ASNS: variants seen among roughly 807,000 people sequenced by gnomAD.
The protein encoded by ASNS is asparagine synthetase (glutamine-hydrolyzing).
Under a neutral mutation model 62.6 loss-of-function variants are expected in ASNS, and 37 were observed. That is an observed-to-expected ratio of 0.59 (90% confidence interval 0.45 to 0.78). The LOEUF is 0.78. Among genes scored for constraint, ASNS ranks in the 30% least tolerant of loss-of-function variants. The pLI is 0.00. For missense variants in ASNS, 520 were observed against 682.4 expected (o/e 0.76, Z 2.65); for synonymous variants, 207 against 237.9 (o/e 0.87, Z 1.19).
the ASNS span, chr7:97,906,386 T>C: frequency 6.7e-6 from 2 of 300,456 alleles, no homozygotes; most frequent in Admixed American, 4.8e-5. Flanking sequence ...CCTCCAGATA[T>C]GGCCTCAACT....
chr7:97,927,847 C>T, the ASNS span, among the ~76,000 whole-genome samples: 1 of 152,292 alleles, frequency 6.6e-6, no homozygotes, highest in African/African-American at 2.4e-5. Flanking sequence ...GAGGATGTCA[C>T]CATGAGCAAG....
At chr7:97,888,349 A>C in the ASNS span, among the ~76,000 whole-genome samples, 2 of 151,126 alleles carry the variant, frequency 1.3e-5, no homozygotes, top group Non-Finnish European at 3.0e-5. Flanking sequence ...TTTTTTAAGA[A>C]AAAGTTGGCC....
chr7:97,859,473 T>C (rs1791615356), intron 4 of ASNS, 75 bp from the exon 5 acceptor site: 2 of 1,433,238 alleles, frequency 1.4e-6, no homozygotes, highest in Non-Finnish European at 1.9e-6. Flanking sequence ...GTTAACATCA[T>C]CTACATTCCT....
chr7:97,875,096 G>A (rs1354151316), upstream of ASNS, among the ~76,000 whole-genome samples: 1 of 152,220 alleles, frequency 6.6e-6, no homozygotes, highest in African/African-American at 2.4e-5. Context: ...GATGATTTGG[G>A]TTCTGGTGCA....
At chr7:97,917,106 T>C in the ASNS span, among the ~76,000 whole-genome samples, 1 of 142,472 alleles carries the variant, frequency 7.0e-6, no homozygotes, top group Non-Finnish European at 1.5e-5. Context: ...GGAACTCTCA[T>C]ACATAGCAAG....
the ASNS span, among the ~76,000 whole-genome samples, chr7:97,886,683 G>C: frequency 1.6e-4 from 24 of 152,206 alleles, no homozygotes; most frequent in East Asian, 4.6e-3. Flanking sequence ...ACAAGACGTG[G>C]GGCTGCCAAA....
the ASNS span, among the ~76,000 whole-genome samples, chr7:97,924,221 G>C: frequency 1.3e-5 from 2 of 152,140 alleles, no homozygotes; most frequent in South Asian, 4.1e-4. Flanking sequence ...CTCTGTCGTA[G>C]CTAACAGGAA....
the ASNS span, among the ~76,000 whole-genome samples, chr7:97,889,927 C>CAAAAAAAAAAAAAAAAAAAAAAAAAA: frequency 2.1e-4 from 8 of 38,566 alleles, no homozygotes; most frequent in Admixed American, 4.5e-4. Flanking sequence ...ATAATGAATA[C>CAAAAAAAAAAAAAAAAAAAAAAAAAA]AAAAAAAAAA....
the ASNS span, among the ~76,000 whole-genome samples, chr7:97,886,430 A>G: frequency 6.6e-6 from 1 of 151,760 alleles, no homozygotes; most frequent in African/African-American, 2.4e-5. Context: ...TACAGGTGTG[A>G]GCCACTGCGC....
the ASNS span, among the ~76,000 whole-genome samples, chr7:97,921,997 T>C: frequency 1.3e-5 from 2 of 152,132 alleles, no homozygotes; most frequent in South Asian, 4.1e-4. Context: ...GCCTGGAGGA[T>C]ATTATGTTAA....
chr7:97,887,002 G>A, the ASNS span, among the ~76,000 whole-genome samples: 1 of 152,134 alleles, frequency 6.6e-6, no homozygotes, highest in Non-Finnish European at 1.5e-5. Context: ...CTAATAGCCG[G>A]CCATCTTTGT....
intron 7 of ASNS, among the ~76,000 whole-genome samples, chr7:97,857,018 G>A (rs1031428872): frequency 6.6e-6 from 1 of 152,112 alleles, no homozygotes; most frequent in African/African-American, 2.4e-5. Flanking sequence ...TCCACCACCA[G>A]GAAGTAAGTC....
At chr7:97,880,121 G>A in the ASNS span, among the ~76,000 whole-genome samples, 1 of 130,738 alleles carries the variant, frequency 7.6e-6, no homozygotes. Flanking sequence ...ATAAAGGAAG[G>A]ATCATCTCTG....
At position 97,856,677 on chromosome 7, in the gene ASNS, C is replaced by A. The variant is rs1028902068; in HGVS notation, c.1030+13G>T. The stretch of plus-strand genomic sequence containing the variant: ...AAAAAAGCTTTTTATTTAAGAATAT[C>A]ATAATACCTTACCTACTGAAGCACG... On this transcript the variant is annotated intron_variant, in intron 8 of 12. Coordinates refer to ENST00000394308, the MANE Select transcript of ASNS (RefSeq NM_001673.5). 6.4e-7 allele frequency: 1 copy of A among 1,574,542 alleles called. No homozygotes were observed. The highest frequency in any genetic ancestry group is 1.4e-5 in the African/African-American group (1 of 73,072).
chr7:97,919,071 A>G, the ASNS span, among the ~76,000 whole-genome samples: 2 of 149,930 alleles, frequency 1.3e-5, no homozygotes, highest in East Asian at 3.9e-4. Context: ...CTACATAAAT[A>G]TTTTTTTTTT....
Position 97,854,695 on chromosome 7 carries a change from A to G in ASNS, c.1138-15T>C. Reference sequence around the variant, plus strand: ...GGAGAAGGAGCCTATTTCACAAACAAAAACACCAAGAGTTTTGCTTTTGGC... The same window carrying G: ...GGAGAAGGAGCCTATTTCACAAACAGAAACACCAAGAGTTTTGCTTTTGGC... On this transcript the variant is annotated splice_polypyrimidine_tract_variant and intron_variant, in intron 9 of 12. Coordinates refer to ENST00000394308, the MANE Select transcript of ASNS (RefSeq NM_001673.5). 6.2e-7 allele frequency: 1 copy of G among 1,613,998 alleles called. No individual in the cohort carries two copies. Among genetic ancestry groups the G allele is most frequent in the Non-Finnish European group, 8.5e-7 (1 of 1,179,954 alleles).
chr7:97,859,337 T>C lies in ASNS; in HGVS notation c.549A>G (p.Gly183=). 5.0e-6 allele frequency: 8 copies of C among 1,614,028 alleles called. No homozygotes were observed. The highest frequency in any genetic ancestry group is 6.8e-6 in the Non-Finnish European group (8 of 1,179,970). ...GCTTTAAATCCAAAACTTCATAGTG[T>C]CCAGGAAGAAAAGGCTCCACTTTTA... ...PFLKVEPFLP[G]HYEVLDLKPN... is the part of the protein sequence containing the mutation. Residue 183 remains glycine, a synonymous_variant, in exon 5 of 13, where the codon GGA becomes GGG. Coordinates refer to ENST00000394308, the MANE Select transcript of ASNS (RefSeq NM_001673.5).
chr7:97,911,785 G>C, the ASNS span, among the ~76,000 whole-genome samples: 2 of 151,724 alleles, frequency 1.3e-5, no homozygotes, highest in African/African-American at 2.4e-5. Flanking sequence ...AGGGAAGCGT[G>C]GGGGAGGCTG....
chr7:97,927,071 C>CTTTTTTT, the ASNS span, among the ~76,000 whole-genome samples: 6 of 40,528 alleles, frequency 1.5e-4, 2 homozygotes, highest in Non-Finnish European at 2.5e-4. Flanking sequence ...CCACACCTGG[C>CTTTTTTT]TTTTTTTTTT....
Sources: gnomAD v4.1 joint callset for allele counts (sites outside exome capture counted in the v4.1 genomes callset) on GRCh38, gnomAD v4.1.1 for gene constraint, MANE v1.5 for transcripts, NCBI Gene and HGNC (gene_info 2026-07-23, HGNC 2026-07-21) for gene names.